ITGA1: variants seen among roughly 807,000 people sequenced by gnomAD.
The protein encoded by ITGA1 is integrin subunit alpha 1.
ITGA1 carries 85 observed loss-of-function variants against 145.9 expected under a neutral mutation model. That is an observed-to-expected ratio of 0.58 (90% CI 0.49 to 0.70). The LOEUF (loss-of-function observed/expected upper bound fraction) is 0.70. ITGA1 is among the 30% of genes least tolerant of loss of function. The pLI, the probability that ITGA1 is intolerant of heterozygous loss-of-function variation, is 0.00. For missense variants in ITGA1, 1,351 were observed against 1,418.7 expected (o/e 0.95, Z 0.77); for synonymous variants, 520 against 495.3 (o/e 1.05, Z -0.66).
intron 1 of ITGA1, among the ~76,000 whole-genome samples, chr5:52,834,031 G>A (rs1169312723): frequency 6.6e-6 from 1 of 152,124 alleles, no homozygotes; most frequent in East Asian, 1.9e-4. Flanking sequence ...TGAAGATCAG[G>A]TACTTTAGCA....
chr5:52,888,247 TAAG>T (rs1216048957), intron 8 of ITGA1, among the ~76,000 whole-genome samples: 1 of 136,174 alleles, frequency 7.3e-6, no homozygotes, highest in Non-Finnish European at 1.6e-5. Context: ...AGCAAAAACA[TAAG>T]AAGGAAGGAA....
chr5:52,849,619 A>G (rs1749398330), intron 2 of ITGA1, 134 bp downstream of exon 2: 1 of 790,556 alleles, frequency 1.3e-6, no homozygotes, highest in African/African-American at 1.8e-5. Flanking sequence ...CAGTCTAGTC[A>G]TTTGGCAATG....
At chr5:52,931,095 C>G (rs1180129060) in intron 21 of ITGA1, 1 of 152,106 alleles carries the variant, frequency 6.6e-6, no homozygotes, top group Non-Finnish European at 1.5e-5. Context: ...ATAAGCAGAG[C>G]CATTAAAAAG....
chr5:52,935,947 C>A (rs1750960599), intron 23 of ITGA1, among the ~76,000 whole-genome samples: 2 of 145,738 alleles, frequency 1.4e-5, no homozygotes, highest in South Asian at 2.2e-4. Flanking sequence ...AATTACAGAA[C>A]ACAGGATTTC....
chr5:52,815,863 A>G (rs947372621), intron 1 of ITGA1, among the ~76,000 whole-genome samples: 1 of 152,228 alleles, frequency 6.6e-6, no homozygotes, highest in East Asian at 1.9e-4. Flanking sequence ...AATTAGTAAT[A>G]AATAACTACA....
At chr5:52,801,962 T>G (rs1435218101) in intron 1 of ITGA1, 2 of 672,428 alleles carry the variant, frequency 3.0e-6, no homozygotes. Context: ...GGATTTCTTA[T>G]GTCTTTGGCT....
chr5:52,801,037 G>T, intron 1 of ITGA1: 2 of 1,614,038 alleles, frequency 1.2e-6, no homozygotes, highest in Non-Finnish European at 1.7e-6. Context: ...ATTTGTGAGG[G>T]AGCAGTTCTG....
Position 52,939,669 on chromosome 5 carries a change from A to G in ITGA1, c.3158A>G (p.His1053Arg). The change falls in exon 25 of 29, where the codon CAT becomes CGT. Residue 1053 changes from histidine (H) to arginine (R), a missense_variant. His to Arg is a conservative substitution (Grantham distance 29). Coordinates refer to ENST00000282588, the MANE Select transcript of ITGA1 (RefSeq NM_181501.2). ...SGKKMTTSTD[H>R]LKRGTILDCN... is the part of the protein sequence containing the mutation. ...AAGAAAATGACTACATCAACTGACC[A>G]TCTCAAACGAGGCACAATTCTGGTA... 1 of 1,612,664 alleles carries G rather than the reference A, an allele frequency of 6.2e-7. No homozygotes were observed. The highest frequency in any genetic ancestry group is 8.5e-7 in the Non-Finnish European group (1 of 1,178,736).
At chr5:52,852,795 A>G (rs1749448997) in intron 2 of ITGA1, among the ~76,000 whole-genome samples, 1 of 152,152 alleles carries the variant, frequency 6.6e-6, no homozygotes, top group Non-Finnish European at 1.5e-5. Flanking sequence ...CCTTATACAT[A>G]ATATGCACTC....
chr5:52,824,053 A>G (rs773895338), intron 1 of ITGA1, among the ~76,000 whole-genome samples: 3 of 152,140 alleles, frequency 2.0e-5, no homozygotes, highest in African/African-American at 7.2e-5. Context: ...CTCATACTTA[A>G]TGATCTGGGA....
Position 52,788,094 on chromosome 5 carries a change from A to G in ITGA1, c.-260A>G. 2 of 412,324 alleles carry G rather than the reference A, an allele frequency of 4.9e-6. No homozygotes were observed. Among genetic ancestry groups the G allele is most frequent in the Non-Finnish European group, 8.6e-6 (2 of 231,416 alleles). The allele number at this position is 412,324 out of a possible 1,614,324, so 25.5% of individuals were successfully genotyped here. On this transcript the variant is annotated 5_prime_UTR_variant, in exon 1 of 29. Transcript: ENST00000282588. ...GACAGAGCCTGGGAAGCTGCCAGTG[A>G]GATTTCAGAGACCAAGAGCGCGAAG...
At chr5:52,905,989 A>T (rs998802886) in intron 12 of ITGA1, 81 bp downstream of exon 12, 24 of 1,224,762 alleles carry the variant, frequency 2.0e-5, no homozygotes, top group Non-Finnish European at 2.6e-5. Context: ...CCTAAACTTA[A>T]AAATGCAATA....
At position 52,888,214 on chromosome 5, in the gene ITGA1, A is replaced by T. The variant is rs1261779149; in HGVS notation, c.924+249A>T. ...GAAGGAAGGAAGGAAGAAAATAAGG[A>T]AACATGAAAAGAGGAAGAAGGAAGC... On this transcript the variant is annotated intron_variant, in intron 8 of 28. Transcript: ENST00000282588. Among the ~76,000 whole-genome samples the T allele has an allele frequency of 2.0e-5, 3 of 152,100 alleles. No homozygotes were observed. In the East Asian group the frequency reaches 5.8e-4, roughly 29 times the overall value.
chr5:52,907,088 GTTA>G (rs2111844044), intron 12 of ITGA1, among the ~76,000 whole-genome samples: 1 of 152,260 alleles, frequency 6.6e-6, no homozygotes, highest in East Asian at 1.9e-4. Context: ...CCAGTAAGAG[GTTA>G]TTTTTACCCC....
chr5:52,876,129 G>A (rs922048667), intron 6 of ITGA1, among the ~76,000 whole-genome samples: 2 of 152,084 alleles, frequency 1.3e-5, no homozygotes, highest in African/African-American at 4.8e-5. Context: ...TCCTCACGAT[G>A]TTCATCACTT....
chr5:52,919,778 T>C (rs1419786654), intron 16 of ITGA1, among the ~76,000 whole-genome samples: 1 of 152,212 alleles, frequency 6.6e-6, no homozygotes, highest in Admixed American at 6.5e-5. Flanking sequence ...ATTGTAGCCT[T>C]CATATACAGT....
chr5:52,925,597 G>A (rs1006679893), intron 19 of ITGA1, 110 bp downstream of exon 19: 1 of 829,908 alleles, frequency 1.2e-6, no homozygotes, highest in Non-Finnish European at 1.9e-6. Context: ...AAGAATAGAA[G>A]GAATTTTTTA....
intron 1 of ITGA1, chr5:52,800,785 C>A (rs144148189): frequency 6.2e-7 from 1 of 1,613,858 alleles, no homozygotes; most frequent in Non-Finnish European, 8.5e-7. Context: ...GGCCTGTGAC[C>A]CAGCCTGGAG....
At chr5:52,951,225 C>T (rs919208832) in intron 28 of ITGA1, among the ~76,000 whole-genome samples, 2 of 152,116 alleles carry the variant, frequency 1.3e-5, no homozygotes, top group Non-Finnish European at 2.9e-5. Flanking sequence ...TGTAGAGGTG[C>T]CACACTTTTA....
Sources: gnomAD v4.1 joint callset for allele counts (sites outside exome capture counted in the v4.1 genomes callset) on GRCh38, gnomAD v4.1.1 for gene constraint, MANE v1.5 for transcripts, NCBI Gene and HGNC (gene_info 2026-07-23, HGNC 2026-07-21) for gene names.